Variants in ZNF704 observed in about 807,000 individuals in gnomAD.
ZNF704 encodes glucocorticoid induced gene 1.
ZNF704 carries 10 observed loss-of-function variants against 44.7 expected under a neutral mutation model. That is an observed-to-expected ratio of 0.22 (90% CI 0.14 to 0.38). ZNF704 has a LOEUF of 0.38. Among genes scored for constraint, ZNF704 ranks in the 10% least tolerant of loss-of-function variants. The pLI is 1.00. For synonymous variants in ZNF704, 211 were observed against 207.6 expected, an observed-to-expected ratio of 1.02 and a Z score of -0.14; for missense variants, 390 against 545.5, an observed-to-expected ratio of 0.71 and a Z score of 2.84.
chr8:80,876,172 C>A (rs1809354197), upstream of ZNF704, among the ~76,000 whole-genome samples: 1 of 152,174 alleles, frequency 6.6e-6, no homozygotes, highest in Non-Finnish European at 1.5e-5. Context: ...ATGCCACCAC[C>A]AGATTTATGT....
intron 2 of ZNF704, among the ~76,000 whole-genome samples, chr8:80,797,288 G>T (rs1280995986): frequency 2.0e-5 from 3 of 152,090 alleles, no homozygotes; most frequent in Non-Finnish European, 4.4e-5. Flanking sequence ...GCTCCACTAG[G>T]CAATGCCCTG....
At chr8:80,867,656 C>A (rs1809178898) in intron 1 of ZNF704, among the ~76,000 whole-genome samples, 1 of 152,128 alleles carries the variant, frequency 6.6e-6, no homozygotes, top group Admixed American at 6.5e-5. Flanking sequence ...TTTGCTCGAG[C>A]CAACACAGAC....
At chr8:80,859,846 GAAAGGACC>G (rs930228509) in intron 1 of ZNF704, among the ~76,000 whole-genome samples, 2 of 152,072 alleles carry the variant, frequency 1.3e-5, no homozygotes, top group African/African-American at 4.8e-5. Flanking sequence ...CAGGGTTGGT[GAAAGGACC>G]AGAATGAAAA....
At chr8:80,758,110 T>C (rs1807067795) in intron 2 of ZNF704, among the ~76,000 whole-genome samples, 1 of 152,216 alleles carries the variant, frequency 6.6e-6, no homozygotes, top group Admixed American at 6.5e-5. Flanking sequence ...TGTATCAATA[T>C]CACATTGCTT....
chr8:80,664,807 C>G lies in ZNF704; in HGVS notation c.927+8G>C. 6.2e-7 allele frequency: 1 copy of G among 1,613,826 alleles called. No individual in the cohort carries two copies. The highest frequency in any genetic ancestry group is 8.5e-7 in the Non-Finnish European group (1 of 1,179,686). ...AAGTGATTGCTCTCACAGTCCCCTGCAAGTCACCTGGTAAGCATGGTCAGT... is the reference window on the plus strand; with the variant it reads ...AAGTGATTGCTCTCACAGTCCCCTGGAAGTCACCTGGTAAGCATGGTCAGT... On this transcript the variant is annotated splice_region_variant and intron_variant, in intron 6 of 8. Transcript: ENST00000327835.
chr8:80,756,094 G>C (rs1311185828), intron 2 of ZNF704, among the ~76,000 whole-genome samples: 1 of 147,906 alleles, frequency 6.8e-6, no homozygotes, highest in African/African-American at 2.7e-5. Context: ...GTGTAACAGA[G>C]GGAGACCTCG....
intron 5 of ZNF704, among the ~76,000 whole-genome samples, chr8:80,667,248 G>C (rs1185034177): frequency 1.3e-5 from 2 of 152,206 alleles, no homozygotes; most frequent in Non-Finnish European, 2.9e-5. Flanking sequence ...CACGGCGATG[G>C]CTTTGGCTTG....
intron 1 of ZNF704, among the ~76,000 whole-genome samples, chr8:80,839,600 T>C (rs1283928238): frequency 6.6e-6 from 1 of 152,190 alleles, no homozygotes; most frequent in Non-Finnish European, 1.5e-5. Context: ...ATAATACAGG[T>C]CTTACTGGTA....
intron 1 of ZNF704, among the ~76,000 whole-genome samples, chr8:80,847,256 TACAAATCTAACAAAG>T (rs1191464587): frequency 2.4e-4 from 37 of 152,236 alleles, no homozygotes; most frequent in African/African-American, 8.7e-4. Context: ...AGTATTTAGA[TACAAATCTAACAAAG>T]ACATATTCAG....
intron 2 of ZNF704, among the ~76,000 whole-genome samples, chr8:80,710,470 G>GT (rs766474662): frequency 3.9e-5 from 6 of 152,138 alleles, no homozygotes; most frequent in Non-Finnish European, 7.4e-5. Context: ...TGGCACTACA[G>GT]TATGTATGTG....
Position 80,633,228 on chromosome 8 carries a change from T to C in ZNF704, c.*8138A>G, listed in dbSNP as rs1212117705. ...ATTACAGATTATAAATTTGAGCTGG[T>C]TTTAAAATTTCTGGCATTGACTTAA... On this transcript the variant is annotated 3_prime_UTR_variant, in exon 9 of 9. Transcript: ENST00000327835. 4 of 152,208 alleles carry C rather than the reference T, an allele frequency of 2.6e-5. No homozygotes were observed. The highest frequency in any genetic ancestry group is 9.7e-5 in the African/African-American group (4 of 41,448). 9.4% of individuals were successfully genotyped at this position (152,208 alleles called of 1,614,324 possible). A position where few individuals can be genotyped will look rare whatever the true frequency, so the allele number is the denominator to read the frequency against.
intron 2 of ZNF704, among the ~76,000 whole-genome samples, chr8:80,721,641 T>C (rs1417945258): frequency 6.6e-6 from 1 of 152,218 alleles, no homozygotes; most frequent in Admixed American, 6.5e-5. Context: ...ACTTCCACCA[T>C]ATACAAAATG....
At chr8:80,652,394 A>C (rs943812820) in intron 7 of ZNF704, among the ~76,000 whole-genome samples, 1 of 152,164 alleles carries the variant, frequency 6.6e-6, no homozygotes, top group Admixed American at 6.5e-5. Flanking sequence ...TTTTTTTAAA[A>C]GATCAACAAA....
At chr8:80,655,199 G>A (rs921644886) in intron 7 of ZNF704, among the ~76,000 whole-genome samples, 4 of 151,882 alleles carry the variant, frequency 2.6e-5, no homozygotes, top group Non-Finnish European at 5.9e-5. Flanking sequence ...TGTGGGGGGC[G>A]GGGGAGGGAT....
At chr8:80,671,183 A>C (rs112232110) in intron 4 of ZNF704, among the ~76,000 whole-genome samples, 7,450 of 152,148 alleles carry the variant, frequency 0.049, 217 homozygotes, top group Middle Eastern at 0.085. Context: ...GCTGGAGTGC[A>C]GCGGCACAAT....
intron 1 of ZNF704, among the ~76,000 whole-genome samples, chr8:80,835,454 G>C (rs1215105026): frequency 6.6e-6 from 1 of 152,114 alleles, no homozygotes; most frequent in Non-Finnish European, 1.5e-5. Flanking sequence ...AATATTTAAA[G>C]GGGGAAAGTA....
chr8:80,725,349 A>C (rs1257102921), intron 2 of ZNF704, among the ~76,000 whole-genome samples: 1 of 152,330 alleles, frequency 6.6e-6, no homozygotes, highest in East Asian at 1.9e-4. Flanking sequence ...CCCATACAAT[A>C]TTGGAACATA....
intron 1 of ZNF704, among the ~76,000 whole-genome samples, chr8:80,841,318 C>T (rs930084164): frequency 6.6e-6 from 1 of 152,206 alleles, no homozygotes; most frequent in Non-Finnish European, 1.5e-5. Flanking sequence ...GCCACAGCAG[C>T]ACAGGAAAAT....
intron 1 of ZNF704, among the ~76,000 whole-genome samples, chr8:80,844,519 T>C (rs938491429): frequency 2.0e-5 from 3 of 152,096 alleles, no homozygotes; most frequent in Non-Finnish European, 4.4e-5. Context: ...GGTTTCAACA[T>C]ATGAATTCTT....
Sources: gnomAD v4.1 joint callset for allele counts (sites outside exome capture counted in the v4.1 genomes callset) on GRCh38, gnomAD v4.1.1 for gene constraint, MANE v1.5 for transcripts, NCBI Gene and HGNC (gene_info 2026-07-23, HGNC 2026-07-21) for gene names.